Variants in TMTC2 observed in about 807,000 individuals in gnomAD.
TMTC2 encodes protein O-mannosyl-transferase TMTC2.
A neutral mutation model predicts 82.4 loss-of-function variants in TMTC2; 43 were observed. That is an observed-to-expected ratio of 0.52 (90% CI 0.41 to 0.67). The LOEUF (loss-of-function observed/expected upper bound fraction) is 0.67, where lower values mean the gene tolerates loss of function less well. TMTC2 is among the 30% of genes least tolerant of loss of function. TMTC2 has a pLI of 0.00. For missense variants in TMTC2, 919 were observed against 1,012.4 expected (o/e 0.91, Z 1.25); for synonymous variants, 408 against 381.9 (o/e 1.07, Z -0.80).
chr12:82,699,144 G>C (rs1374667829), intron 1 of TMTC2, among the ~76,000 whole-genome samples: 1 of 152,118 alleles, frequency 6.6e-6, no homozygotes, highest in Admixed American at 6.5e-5. Context: ...TTTTTCACTT[G>C]GAGTCTGTGG....
chr12:82,953,023 G>C (rs567828116), intron 4 of TMTC2, among the ~76,000 whole-genome samples: 89 of 152,324 alleles, frequency 5.8e-4, no homozygotes, highest in Non-Finnish European at 1.1e-3. Flanking sequence ...GGAGTCCAGA[G>C]ATGTGCAGTC....
chr12:82,710,028 G>A (rs1267508662), intron 1 of TMTC2, among the ~76,000 whole-genome samples: 1 of 152,140 alleles, frequency 6.6e-6, no homozygotes, highest in African/African-American at 2.4e-5. Context: ...ATATGTGAAA[G>A]TGTCCAGGCA....
intron 3 of TMTC2, among the ~76,000 whole-genome samples, chr12:82,929,932 T>C (rs1875936380): frequency 1.3e-5 from 2 of 152,210 alleles, no homozygotes; most frequent in Non-Finnish European, 2.9e-5. Flanking sequence ...TAATGTTTTA[T>C]TGATGTATTC....
chr12:83,067,625 G>A (rs1308261154), intron 11 of TMTC2, among the ~76,000 whole-genome samples: 1 of 151,946 alleles, frequency 6.6e-6, no homozygotes, highest in African/African-American at 2.4e-5. Flanking sequence ...ATCCTGTGGG[G>A]GAAGAAAGGA....
chr12:82,727,587 G>T (rs1225705428), intron 1 of TMTC2, among the ~76,000 whole-genome samples: 1 of 152,062 alleles, frequency 6.6e-6, no homozygotes, highest in Non-Finnish European at 1.5e-5. Context: ...CAGGCATGAT[G>T]GCGTGGGCCT....
At chr12:82,947,546 G>GTTAGCCA (rs1877083468) in intron 4 of TMTC2, among the ~76,000 whole-genome samples, 2 of 150,720 alleles carry the variant, frequency 1.3e-5, no homozygotes, top group African/African-American at 5.0e-5. Flanking sequence ...GTTTCACCGT[G>GTTAGCCA]GTCTCGATCT....
chr12:82,755,178 A>G (rs1420963819), intron 1 of TMTC2, among the ~76,000 whole-genome samples: 1 of 152,224 alleles, frequency 6.6e-6, no homozygotes, highest in East Asian at 1.9e-4. Context: ...GCCTTATTAC[A>G]GAGGAGGTGG....
At chr12:83,127,522 G>C (rs1225570716) in intron 11 of TMTC2, among the ~76,000 whole-genome samples, 3 of 151,940 alleles carry the variant, frequency 2.0e-5, no homozygotes, top group Non-Finnish European at 4.4e-5. Flanking sequence ...TTTCTCTTTT[G>C]TTTTCTTCTG....
intron 1 of TMTC2, among the ~76,000 whole-genome samples, chr12:82,752,965 C>G (rs1565735145): frequency 1.3e-5 from 2 of 152,200 alleles, no homozygotes; most frequent in South Asian, 4.2e-4. Context: ...TCACCTTGAT[C>G]ACTTGTTCCT....
rs139329474 is a variant in TMTC2, at chr12:82,924,592, A to G, written c.1484-5839A>G. Among the ~76,000 whole-genome samples, 93 of 152,332 alleles carry G rather than the reference A, an allele frequency of 6.1e-4. No homozygotes were observed. In the East Asian group the frequency reaches 0.016, roughly 27 times the overall value. On this transcript the variant is annotated intron_variant, in intron 3 of 11. Coordinates refer to ENST00000321196, the MANE Select transcript of TMTC2 (RefSeq NM_152588.3). ...AGAGATTTTCATTTGGATAAAAAGC[A>G]GGAAACCTAGTTTCAGATTGTGACT...
intron 1 of TMTC2, among the ~76,000 whole-genome samples, chr12:82,694,613 GCTAAATTA>G (rs1872712620): frequency 6.6e-6 from 1 of 152,150 alleles, no homozygotes; most frequent in Admixed American, 6.5e-5. Flanking sequence ...AAGATGACTG[GCTAAATTA>G]CATGATTTCT....
At chr12:82,922,924 A>G (rs1191662296) in intron 3 of TMTC2, among the ~76,000 whole-genome samples, 1 of 152,130 alleles carries the variant, frequency 6.6e-6, no homozygotes, top group African/African-American at 2.4e-5. Context: ...TATTGTTCCT[A>G]CCCACTATCA....
chr12:82,931,413 G>T lies in TMTC2; in HGVS notation c.1598+868G>T, dbSNP rs184637631. The stretch of plus-strand genomic sequence containing the variant: ...TGTTGGGTTAGAAAAATCCCTAGGG[G>T]AAAAACTGGTTTTGTTCTTTGAGTG... On this transcript the variant is annotated intron_variant, in intron 4 of 11. Coordinates refer to ENST00000321196, the MANE Select transcript of TMTC2 (RefSeq NM_152588.3). Among the ~76,000 whole-genome samples, 13 of 152,272 alleles carry T rather than the reference G, an allele frequency of 8.5e-5. No individual in the cohort carries two copies. In the East Asian group the frequency reaches 2.3e-3, roughly 27 times the overall value.
At chr12:83,000,131 G>A (rs1879849335) in intron 8 of TMTC2, among the ~76,000 whole-genome samples, 1 of 85,736 alleles carries the variant, frequency 1.2e-5, no homozygotes, top group Non-Finnish European at 2.7e-5. Flanking sequence ...AAATCCAGTG[G>A]GGGCAGTCAA....
At chr12:82,910,383 C>G (rs1874570048) in intron 3 of TMTC2, among the ~76,000 whole-genome samples, 1 of 143,424 alleles carries the variant, frequency 7.0e-6, no homozygotes, top group Admixed American at 6.7e-5. Flanking sequence ...CAGGCAGGCT[C>G]CAACCCCAGG....
intron 4 of TMTC2, among the ~76,000 whole-genome samples, chr12:82,954,077 T>C (rs1173595374): frequency 3.3e-5 from 5 of 151,892 alleles, no homozygotes; most frequent in Non-Finnish European, 7.4e-5. Flanking sequence ...CTTGGTAATA[T>C]AGTCCTAATT....
intron 8 of TMTC2, among the ~76,000 whole-genome samples, chr12:83,005,510 T>C (rs1880160660): frequency 6.6e-6 from 1 of 152,062 alleles, no homozygotes; most frequent in Admixed American, 6.5e-5. Flanking sequence ...ACTGGTGCCG[T>C]GCCCTTGAAC....
chr12:82,952,426 G>C (rs971998098), intron 4 of TMTC2, among the ~76,000 whole-genome samples: 1 of 151,720 alleles, frequency 6.6e-6, no homozygotes. Flanking sequence ...GTATTTATTT[G>C]AATGTAATTA....
chr12:82,702,041 C>A (rs1226904458), intron 1 of TMTC2, among the ~76,000 whole-genome samples: 1 of 152,090 alleles, frequency 6.6e-6, no homozygotes, highest in Non-Finnish European at 1.5e-5. Flanking sequence ...CCACCCCAGT[C>A]CCTTCTAGAT....
Sources: allele counts gnomAD v4.1 joint callset (sites outside exome capture counted in the v4.1 genomes callset), GRCh38; gene constraint gnomAD v4.1.1; transcripts MANE v1.5; gene names NCBI Gene and HGNC (gene_info 2026-07-23, HGNC 2026-07-21).